MZT2A: variants seen among roughly 807,000 people sequenced by gnomAD.
The protein encoded by MZT2A is mitotic-spindle organizing protein 2A.
In MZT2A, 8 loss-of-function variants were observed where a neutral mutation model predicts 12.4. That is an observed-to-expected ratio of 0.64 (90% CI 0.38 to 1.16). The LOEUF (loss-of-function observed/expected upper bound fraction) is 1.16, where lower values mean the gene tolerates loss of function less well. Ranked by LOEUF, MZT2A falls within the 50% of genes most tolerant of loss-of-function variation. The pLI is 0.01. For missense variants in MZT2A, 181 were observed against 223.6 expected (o/e 0.81, Z 1.22); for synonymous variants, 88 against 107.5 (o/e 0.82, Z 1.12).
chr2:131,487,766 G>C (rs1679112184), intron 2 of MZT2A, among the ~76,000 whole-genome samples: 1 of 152,136 alleles, frequency 6.6e-6, no homozygotes, highest in African/African-American at 2.4e-5. Flanking sequence ...ATTCACTTTG[G>C]GGTTTTTTGT....
At chr2:131,475,047 G>T (rs538762478) in intron 2 of MZT2A, among the ~76,000 whole-genome samples, 1 of 152,040 alleles carries the variant, frequency 6.6e-6, no homozygotes, top group South Asian at 2.1e-4. Context: ...TGCAACCTCT[G>T]CCTCCCAGGT....
At chr2:131,491,173 G>C (rs1349275881) in intron 2 of MZT2A, 1 of 516,400 alleles carries the variant, frequency 1.9e-6, no homozygotes, top group African/African-American at 1.9e-5. Context: ...CATGCGGAGA[G>C]GATGAGCAGG....
rs1388258293 is a variant in MZT2A at position 131,471,439 on chromosome 2, G to T, written c.393+629C>A. On this transcript the variant is annotated intron_variant and NMD_transcript_variant, in intron 3 of 4. Coordinates refer to the MZT2A transcript ENST00000427024. ...CAGCCTGGTGACAGAGAGAGACTCT[G>T]TCTCAAAAAAAAAAAAAAGAAAAAA... is the stretch of plus-strand genomic sequence containing the variant. Among the ~76,000 whole-genome samples the T allele has an allele frequency of 4.7e-5, 6 of 127,278 alleles. 1 individual carries two copies. The highest frequency in any genetic ancestry group is 7.7e-5 in the Non-Finnish European group (5 of 65,124). 83.5% of individuals were successfully genotyped at this position (127,278 alleles called of 152,430 possible).
At chr2:131,482,023 C>A (rs997228837), downstream of MZT2A, among the ~76,000 whole-genome samples, 1 of 152,244 alleles carries the variant, frequency 6.6e-6, no homozygotes, top group Non-Finnish European at 1.5e-5. Context: ...CTTAGGCAGG[C>A]ACATGGACCA....
At chr2:131,489,368 G>GT (rs60079614) in intron 2 of MZT2A, 11,387 of 135,042 alleles carry the variant, frequency 0.084, 592 homozygotes, top group Non-Finnish European at 0.12. Context: ...CACCTGGCTA[G>GT]TTTTTTTTTT....
intron 3 of MZT2A, among the ~76,000 whole-genome samples, chr2:131,471,456 AAG>A (rs1365189102): frequency 7.7e-6 from 1 of 129,512 alleles, no homozygotes; most frequent in African/African-American, 4.8e-5. Context: ...AAAAAAAAAA[AAG>A]AAAAAAAGAA....
intron 2 of MZT2A, among the ~76,000 whole-genome samples, chr2:131,477,157 C>T (rs1385208889): frequency 2.0e-5 from 3 of 151,824 alleles, no homozygotes; most frequent in Non-Finnish European, 2.9e-5. Flanking sequence ...CCCACCTCAG[C>T]CTTCCGAGTA....
intron 2 of MZT2A, among the ~76,000 whole-genome samples, chr2:131,486,808 C>T (rs1679069664): frequency 6.6e-6 from 1 of 152,066 alleles, no homozygotes; most frequent in African/African-American, 2.4e-5. Context: ...ATCTTTAAAT[C>T]TGACAGGGTT....
downstream of MZT2A, chr2:131,480,543 G>A: frequency 6.2e-7 from 1 of 1,608,316 alleles, no homozygotes; most frequent in Non-Finnish European, 8.5e-7. Flanking sequence ...GGCCTACCAC[G>A]AGCAGCTGTC....
Position 131,492,322 on chromosome 2 carries a change from C to G in MZT2A, c.55G>C (p.Glu19Gln). The change falls in exon 1 of 3, where the codon GAG becomes CAG. Residue 19 changes from glutamate to glutamine, a missense_variant. Physicochemically the swap from Glu to Gln is conservative, Grantham distance 29. Transcript: ENST00000309451. ...AGCGCCAGCTTCTGCCGGGCCGCCT[C>G]CAGCCCCGGGGGCGCCGCCGACCCC... ...GPGSAAPPGL[E>Q]AARQKLALRR... 1 of 1,521,276 alleles carries G rather than the reference C, an allele frequency of 6.6e-7. No individual in the cohort carries two copies. Among genetic ancestry groups the G allele is most frequent in the South Asian group, 1.2e-5 (1 of 82,688 alleles). The allele number at this position is 1,521,276 out of a possible 1,614,324, so 94.2% of individuals were successfully genotyped here. A position where few individuals can be genotyped will look rare whatever the true frequency, so the allele number is the denominator to read the frequency against.
intron 2 of MZT2A, 57 bp from the exon 3 acceptor site, chr2:131,484,275 C>T (rs1243551790): frequency 1.0e-5 from 16 of 1,589,806 alleles, no homozygotes; most frequent in Non-Finnish European, 1.4e-5. Flanking sequence ...AATGCAGCAC[C>T]TGCTGTACTC....
intron 2 of MZT2A, chr2:131,478,071 A>C (rs1382448703): frequency 6.7e-7 from 1 of 1,498,646 alleles, no homozygotes; most frequent in Non-Finnish European, 8.9e-7. Flanking sequence ...ATACTGAAGC[A>C]GTATATAAAT....
intron 2 of MZT2A, among the ~76,000 whole-genome samples, chr2:131,487,467 G>A (rs1398559028): frequency 2.0e-5 from 3 of 152,194 alleles, no homozygotes; most frequent in East Asian, 3.8e-4. Context: ...GACAGAGCAA[G>A]ACTGTCTCAA....
chr2:131,472,214 T>A (rs1179457032), intron 2 of MZT2A: 2 of 1,278,994 alleles, frequency 1.6e-6, no homozygotes, highest in South Asian at 2.5e-5. Context: ...AGGAAATAAT[T>A]TGTGTTACTT....
At chr2:131,482,182 C>A (rs1331933230), downstream of MZT2A, among the ~76,000 whole-genome samples, 1 of 152,198 alleles carries the variant, frequency 6.6e-6, no homozygotes, top group Non-Finnish European at 1.5e-5. Context: ...GTTGTGTACT[C>A]TGAATCTATC....
At chr2:131,479,599 G>C, downstream of MZT2A, 2 of 1,482,002 alleles carry the variant, frequency 1.3e-6, no homozygotes, top group Non-Finnish European at 1.8e-6. Flanking sequence ...CAGCACTTTG[G>C]GAGGCTAAAG....
intron 2 of MZT2A, among the ~76,000 whole-genome samples, chr2:131,485,468 G>A (rs561600548): frequency 1.3e-5 from 2 of 152,136 alleles, no homozygotes; most frequent in African/African-American, 2.4e-5. Flanking sequence ...TCAGTGCGGT[G>A]TGCCTAGGCA....
intron 2 of MZT2A, among the ~76,000 whole-genome samples, chr2:131,486,088 G>C (rs10196582): frequency 0.15 from 20,975 of 143,778 alleles, 3,113 homozygotes; most frequent in African/African-American, 0.38. Flanking sequence ...ACACTTGGCT[G>C]AACAAAGATG....
intron 2 of MZT2A, among the ~76,000 whole-genome samples, chr2:131,477,555 G>A (rs1244983382): frequency 2.8e-5 from 4 of 142,920 alleles, no homozygotes; most frequent in African/African-American, 1.2e-4. Context: ...GAGTACCCTG[G>A]CACTGCTTTC....
Sources: gnomAD v4.1 joint callset for allele counts (sites outside exome capture counted in the v4.1 genomes callset) on GRCh38, gnomAD v4.1.1 for gene constraint, MANE v1.5 for transcripts, NCBI Gene and HGNC (gene_info 2026-07-23, HGNC 2026-07-21) for gene names.